Variants in SV2C observed in about 807,000 individuals in gnomAD.
SV2C encodes the protein solute carrier family 22 member B3.
A neutral mutation model predicts 79.7 loss-of-function variants in SV2C; 49 were observed. The ratio of observed to expected loss-of-function variants is 0.61; its 90% CI spans 0.49 to 0.78. The LOEUF (loss-of-function observed/expected upper bound fraction) is 0.78. Ranked by LOEUF, SV2C falls within the 30% of genes least tolerant of loss-of-function variation. The pLI, the probability that SV2C is intolerant of heterozygous loss-of-function variation, is 0.00. For missense variants in SV2C, 833 were observed against 912.9 expected, an observed-to-expected ratio of 0.91 and a Z score of 1.13; for synonymous variants, 334 against 333.2, an observed-to-expected ratio of 1.00 and a Z score of -0.03.
chr5:75,963,750 T>A, the SV2C span, among the ~76,000 whole-genome samples: 1 of 152,138 alleles, frequency 6.6e-6, no homozygotes, highest in African/African-American at 2.4e-5. Flanking sequence ...GGTACTTTCC[T>A]CACCTCCATT....
At chr5:76,340,488 G>A (rs1297941637) in intron 12 of SV2C, among the ~76,000 whole-genome samples, 1 of 152,148 alleles carries the variant, frequency 6.6e-6, no homozygotes, top group East Asian at 1.9e-4. Context: ...CAGGCATGTG[G>A]GCACAGTGGG....
chr5:75,909,316 C>T, the SV2C span, among the ~76,000 whole-genome samples: 5 of 152,218 alleles, frequency 3.3e-5, no homozygotes, highest in Admixed American at 3.3e-4. Flanking sequence ...ACAGTACTGG[C>T]GTCTTTGTTC....
intron 3 of SV2C, among the ~76,000 whole-genome samples, chr5:76,205,894 G>A (rs1013300025): frequency 1.3e-5 from 2 of 152,118 alleles, no homozygotes; most frequent in Admixed American, 6.5e-5. Flanking sequence ...GTCAGCAGCA[G>A]CCCCCAAGGT....
At chr5:76,321,385 A>G (rs1393078072) in intron 12 of SV2C, among the ~76,000 whole-genome samples, 2 of 152,130 alleles carry the variant, frequency 1.3e-5, no homozygotes, top group African/African-American at 2.4e-5. Context: ...AAACTGGCAT[A>G]AAGTCAGAAG....
At chr5:75,978,710 C>A in the SV2C span, among the ~76,000 whole-genome samples, 1 of 152,172 alleles carries the variant, frequency 6.6e-6, no homozygotes, top group East Asian at 1.9e-4. Context: ...CACACTGCAA[C>A]TGAATGGAGA....
the SV2C span, among the ~76,000 whole-genome samples, chr5:75,853,429 G>A: frequency 3.3e-5 from 5 of 151,134 alleles, no homozygotes; most frequent in Admixed American, 6.6e-5. Context: ...GGTGGCGGGC[G>A]CCTGTAGTCC....
At chr5:75,864,348 C>A in the SV2C span, among the ~76,000 whole-genome samples, 5 of 150,738 alleles carry the variant, frequency 3.3e-5, no homozygotes, top group Non-Finnish European at 7.4e-5. Flanking sequence ...ATCCATCCAT[C>A]CATCCATTCA....
chr5:76,335,996 G>C (rs1297345583), downstream of SV2C, among the ~76,000 whole-genome samples: 5 of 152,106 alleles, frequency 3.3e-5, no homozygotes, highest in Non-Finnish European at 4.4e-5. Flanking sequence ...CAGTAGGGGC[G>C]GCCGGGCAGA....
chr5:76,229,502 G>A (rs1169259965), intron 4 of SV2C, among the ~76,000 whole-genome samples: 2 of 152,214 alleles, frequency 1.3e-5, no homozygotes, highest in Non-Finnish European at 2.9e-5. Context: ...TAGGAGCCAT[G>A]TCAGCTGACC....
chr5:76,265,788 C>A (rs1340702963), intron 4 of SV2C, among the ~76,000 whole-genome samples: 1 of 152,114 alleles, frequency 6.6e-6, no homozygotes, highest in African/African-American at 2.4e-5. Flanking sequence ...TTCTGCTTGC[C>A]CTCTGTGGGC....
At chr5:76,052,578 T>G in the SV2C span, among the ~76,000 whole-genome samples, 1 of 152,196 alleles carries the variant, frequency 6.6e-6, no homozygotes, top group Non-Finnish European at 1.5e-5. Flanking sequence ...TCGTGTTTCA[T>G]CCTTTTGAGC....
At chr5:76,012,870 C>T in the SV2C span, among the ~76,000 whole-genome samples, 2 of 152,090 alleles carry the variant, frequency 1.3e-5, no homozygotes, top group African/African-American at 2.4e-5. Context: ...GAATCATTTC[C>T]CCATTGCTTG....
At chr5:76,083,883 G>C (rs1747078630) in intron 1 of SV2C, 1 of 152,238 alleles carries the variant, frequency 6.6e-6, no homozygotes, top group Admixed American at 6.5e-5. Flanking sequence ...TGGTTTGACC[G>C]GCAGGGATAG....
chr5:75,942,038 C>T, the SV2C span, among the ~76,000 whole-genome samples: 1 of 152,118 alleles, frequency 6.6e-6, no homozygotes, highest in Admixed American at 6.5e-5. Context: ...CATGTCTATC[C>T]AATGAATTCT....
chr5:76,257,539 G>A (rs1230417961), intron 4 of SV2C, among the ~76,000 whole-genome samples: 5 of 151,250 alleles, frequency 3.3e-5, no homozygotes, highest in African/African-American at 1.2e-4. Context: ...AGCGTGTGGT[G>A]TATGAGTCTG....
chr5:76,048,965 G>GAGAAAGAAAGAAAGAAAGAAAGAAAAGAA, the SV2C span, among the ~76,000 whole-genome samples: 1 of 58,164 alleles, frequency 1.7e-5, no homozygotes, highest in African/African-American at 7.1e-5. Context: ...GAAAGAAAAA[G>GAGAAAGAAAGAAAGAAAGAAAGAAAAGAA]AGAAAGAAAG....
chr5:75,886,544 T>C, the SV2C span, among the ~76,000 whole-genome samples: 1 of 152,184 alleles, frequency 6.6e-6, no homozygotes, highest in Non-Finnish European at 1.5e-5. Flanking sequence ...TGTGGACTCC[T>C]AAAGTCTCCC....
intron 2 of SV2C, among the ~76,000 whole-genome samples, chr5:76,155,823 A>G (rs921883064): frequency 6.6e-6 from 1 of 151,794 alleles, no homozygotes; most frequent in African/African-American, 2.4e-5. Context: ...TAGAGCCCTA[A>G]CTCAGAGATT....
the SV2C span, among the ~76,000 whole-genome samples, chr5:75,923,071 T>C: frequency 6.6e-6 from 1 of 152,122 alleles, no homozygotes; most frequent in East Asian, 1.9e-4. Flanking sequence ...AAAATAGGCA[T>C]GTAGACCAAT....
Sources: allele counts gnomAD v4.1 joint callset (sites outside exome capture counted in the v4.1 genomes callset), GRCh38; gene constraint gnomAD v4.1.1; transcripts MANE v1.5; gene names NCBI Gene and HGNC (gene_info 2026-07-23, HGNC 2026-07-21).